The following CSNK1G3 variants were observed in gnomAD, a reference collection of about 807,000 sequenced individuals.
CSNK1G3 encodes the protein casein kinase I isoform gamma-3.
In CSNK1G3, 23 loss-of-function variants were observed where a neutral mutation model predicts 64.3. That is an observed-to-expected ratio of 0.36 (90% CI 0.26 to 0.51). CSNK1G3 has a LOEUF of 0.51. Among genes scored for constraint, CSNK1G3 ranks in the 20% least tolerant of loss-of-function variants. The pLI is 0.96. For missense variants in CSNK1G3, 357 were observed against 510.5 expected, an observed-to-expected ratio of 0.70 and a Z score of 2.90; for synonymous variants, 158 against 162.2, an observed-to-expected ratio of 0.97 and a Z score of 0.20.
intron 4 of CSNK1G3, among the ~76,000 whole-genome samples, chr5:123,565,098 A>G (rs1441906382): frequency 1.3e-5 from 2 of 152,216 alleles, no homozygotes; most frequent in Non-Finnish European, 2.9e-5. Flanking sequence ...TTGTTGATAT[A>G]CTTTCCAAAA....
At chr5:123,614,134 G>A (rs1749034591) in intron 12 of CSNK1G3, among the ~76,000 whole-genome samples, 1 of 152,146 alleles carries the variant, frequency 6.6e-6, no homozygotes, top group East Asian at 1.9e-4. Context: ...TGCATAGAAT[G>A]TCTTGCTATT....
intron 12 of CSNK1G3, among the ~76,000 whole-genome samples, chr5:123,608,939 C>T: frequency 6.6e-6 from 1 of 152,030 alleles, no homozygotes; most frequent in Non-Finnish European, 1.5e-5. Context: ...AGTATGTCCT[C>T]CTAGTTGGGA....
At chr5:123,523,366 C>T (rs940671131) in intron 1 of CSNK1G3, among the ~76,000 whole-genome samples, 2 of 152,016 alleles carry the variant, frequency 1.3e-5, no homozygotes, top group Admixed American at 1.3e-4. Flanking sequence ...AATTAGGGTC[C>T]TTTTAGTGAC....
intron 6 of CSNK1G3, among the ~76,000 whole-genome samples, chr5:123,578,163 T>C (rs527414004): frequency 7.3e-4 from 111 of 152,120 alleles, no homozygotes; most frequent in African/African-American, 2.5e-3. Flanking sequence ...ATAATATTCT[T>C]ACAAATCTTT....
intron 10 of CSNK1G3, among the ~76,000 whole-genome samples, chr5:123,598,679 G>A (rs1165525497): frequency 1.3e-5 from 2 of 152,118 alleles, no homozygotes; most frequent in Admixed American, 1.3e-4. Flanking sequence ...GACTGAGAAG[G>A]TAGGCTGGAG....
At chr5:123,605,019 A>C (rs1795106464) in intron 11 of CSNK1G3, among the ~76,000 whole-genome samples, 189 bp downstream of exon 12, 1 of 152,176 alleles carries the variant, frequency 6.6e-6, no homozygotes, top group Non-Finnish European at 1.5e-5. Context: ...TAAACATTTT[A>C]ATAATACAAA....
intron 3 of CSNK1G3, among the ~76,000 whole-genome samples, chr5:123,554,824 G>T (rs1784333636): frequency 6.6e-6 from 1 of 152,222 alleles, no homozygotes; most frequent in African/African-American, 2.4e-5. Flanking sequence ...TGCTTTGTAT[G>T]TGAATGATAG....
intron 2 of CSNK1G3, among the ~76,000 whole-genome samples, chr5:123,549,615 G>A (rs570028190): frequency 2.6e-5 from 4 of 152,206 alleles, no homozygotes; most frequent in South Asian, 2.1e-4. Flanking sequence ...ATTGCCTTTC[G>A]CTGGGAAACC....
intron 12 of CSNK1G3, among the ~76,000 whole-genome samples, chr5:123,611,703 T>C (rs1455404961): frequency 1.3e-5 from 2 of 152,234 alleles, no homozygotes; most frequent in East Asian, 1.9e-4. Context: ...GAATCTACTT[T>C]GGAATTTGAA....
At chr5:123,591,354 T>A in exon 10 of CSNK1G3, 1 of 1,610,420 alleles carries the variant, frequency 6.2e-7, no homozygotes, top group Non-Finnish European at 8.5e-7. Context: ...AAGATCCTGC[T>A]CTGTCATCAA....
chr5:123,540,643 A>AT (rs1554069652), intron 1 of CSNK1G3, among the ~76,000 whole-genome samples: 4 of 150,694 alleles, frequency 2.7e-5, no homozygotes, highest in Non-Finnish European at 5.9e-5. Context: ...ATTATTTTTT[A>AT]TTTTTTTGAG....
At chr5:123,547,301 T>A (rs1439217655) in intron 2 of CSNK1G3, among the ~76,000 whole-genome samples, 1 of 152,162 alleles carries the variant, frequency 6.6e-6, no homozygotes, top group Non-Finnish European at 1.5e-5. Context: ...AGACCAACAC[T>A]ATACTTGCAT....
intron 12 of CSNK1G3, among the ~76,000 whole-genome samples, chr5:123,612,802 T>G (rs1450347046): frequency 1.3e-5 from 2 of 152,176 alleles, no homozygotes; most frequent in East Asian, 3.8e-4. Context: ...GAATATAGAT[T>G]AGTAAGAATT....
chr5:123,553,232 A>G, intron 3 of CSNK1G3, 85 bp downstream of exon 3: 2 of 693,914 alleles, frequency 2.9e-6, no homozygotes, highest in Non-Finnish European at 4.4e-6. Context: ...TTTTGTTTTC[A>G]TGTCATTTAT....
intron 12 of CSNK1G3, among the ~76,000 whole-genome samples, chr5:123,612,531 G>A (rs946821713): frequency 3.3e-5 from 5 of 150,858 alleles, no homozygotes; most frequent in Admixed American, 2.6e-4. Flanking sequence ...AGGCTGGAGT[G>A]CAATGGCGCG....
At chr5:123,519,779 A>G (rs1758511256) in intron 1 of CSNK1G3, among the ~76,000 whole-genome samples, 1 of 152,218 alleles carries the variant, frequency 6.6e-6, no homozygotes, top group Non-Finnish European at 1.5e-5. Context: ...ACTTAAAATG[A>G]ATCATAGGAA....
intron 12 of CSNK1G3, among the ~76,000 whole-genome samples, chr5:123,606,934 G>T (rs1795465127): frequency 6.6e-6 from 1 of 152,136 alleles, no homozygotes; most frequent in Admixed American, 6.6e-5. Context: ...GATAAAAAAG[G>T]TATTTTAAAA....
chr5:123,517,553 TA>T (rs1234305749), intron 1 of CSNK1G3, among the ~76,000 whole-genome samples: 3 of 152,136 alleles, frequency 2.0e-5, no homozygotes, highest in Non-Finnish European at 4.4e-5. Flanking sequence ...CCTAACGATC[TA>T]AAAAAATCTG....
chr5:123,595,049 A>G (rs752271583), intron 10 of CSNK1G3: 6 of 1,613,536 alleles, frequency 3.7e-6, no homozygotes, highest in Admixed American at 3.3e-5. Context: ...TCGGCAGACC[A>G]CAGGGCAGCT....
Sources: allele counts gnomAD v4.1 joint callset (sites outside exome capture counted in the v4.1 genomes callset), GRCh38; gene constraint gnomAD v4.1.1; transcripts MANE v1.5; gene names NCBI Gene and HGNC (gene_info 2026-07-23, HGNC 2026-07-21).